The following LOC400499 variants were observed in gnomAD, a reference collection of about 807,000 sequenced individuals.
At chr16:11,451,574 ACAAACAAAAAAC>A in the LOC400499 span, among the ~76,000 whole-genome samples, 2 of 148,234 alleles carry the variant, frequency 1.3e-5, no homozygotes, top group South Asian at 2.2e-4. Flanking sequence ...AAACAAACAA[ACAAACAAAAAAC>A]CAAACAAAAA....
At chr16:11,443,276 A>G in the LOC400499 span, 1 of 324,866 alleles carries the variant, frequency 3.1e-6, no homozygotes, top group Non-Finnish European at 5.8e-6. Context: ...ATGAGCCGAC[A>G]TTGCGCAGCT....
chr16:11,471,343 T>G, the LOC400499 span: 1 of 227,702 alleles, frequency 4.4e-6, no homozygotes. Context: ...CAGAACTGAT[T>G]AAAAGGGAAG....
At chr16:11,465,392 T>C in the LOC400499 span, 6 of 152,260 alleles carry the variant, frequency 3.9e-5, no homozygotes, top group East Asian at 1.2e-3. Flanking sequence ...CTCCCAACAT[T>C]TGTATACTTT....
chr16:11,405,318 C>T, the LOC400499 span, among the ~76,000 whole-genome samples: 5 of 152,216 alleles, frequency 3.3e-5, no homozygotes, highest in Admixed American at 6.5e-5. Flanking sequence ...AGGTATCATG[C>T]TCCCAAGCCA....
At chr16:11,476,542 C>T in the LOC400499 span, among the ~76,000 whole-genome samples, 1 of 151,964 alleles carries the variant, frequency 6.6e-6, no homozygotes, top group African/African-American at 2.4e-5. Flanking sequence ...GCAGCTCATA[C>T]ATTCTCATAT....
the LOC400499 span, among the ~76,000 whole-genome samples, chr16:11,413,436 G>C: frequency 1.3e-5 from 2 of 152,156 alleles, no homozygotes; most frequent in Admixed American, 1.3e-4. Context: ...GGGTGTGAAA[G>C]AAGCATTGGC....
the LOC400499 span, chr16:11,392,498 C>T: frequency 5.0e-6 from 2 of 399,018 alleles, no homozygotes; most frequent in East Asian, 3.6e-5. Flanking sequence ...CTCCTCTCTG[C>T]CCCCTGGAGC....
the LOC400499 span, chr16:11,484,894 T>A: frequency 2.3e-5 from 9 of 399,250 alleles, no homozygotes; most frequent in East Asian, 3.2e-4. Flanking sequence ...GCTGTAGGTA[T>A]CTCATCCTTC....
chr16:11,430,172 T>A, the LOC400499 span, among the ~76,000 whole-genome samples: 3 of 152,120 alleles, frequency 2.0e-5, no homozygotes, highest in African/African-American at 7.2e-5. Flanking sequence ...TTTCACAACA[T>A]GACTGCCCGG....
the LOC400499 span, chr16:11,391,645 C>A: frequency 1.6e-6 from 2 of 1,232,006 alleles, no homozygotes; most frequent in Non-Finnish European, 2.0e-6. Context: ...CAGGATTGAG[C>A]CCTCCCCCTC....
chr16:11,390,297 C>T, the LOC400499 span: 1 of 1,232,912 alleles, frequency 8.1e-7, no homozygotes, highest in Non-Finnish European at 1.0e-6. Flanking sequence ...GGGCTCCTTT[C>T]ATGGCCCCCA....
the LOC400499 span, chr16:11,387,101 C>T: frequency 8.1e-7 from 1 of 1,232,286 alleles, no homozygotes; most frequent in Non-Finnish European, 1.0e-6. Flanking sequence ...CAGCCCGGGG[C>T]AGGACTCACA....
the LOC400499 span, chr16:11,502,277 A>C: frequency 7.6e-6 from 3 of 397,276 alleles, no homozygotes; most frequent in Non-Finnish European, 8.9e-6. Context: ...AACCGTGGGG[A>C]AAGTGGGAAG....
At chr16:11,476,987 G>A in the LOC400499 span, 2 of 399,642 alleles carry the variant, frequency 5.0e-6, no homozygotes, top group Middle Eastern at 6.2e-4. Context: ...CGAGGGCCCT[G>A]GGGCCACAGA....
chr16:11,446,791 G>A, the LOC400499 span: 1 of 1,536,130 alleles, frequency 6.5e-7, no homozygotes, highest in South Asian at 1.2e-5. Flanking sequence ...GGTCTGCAGG[G>A]TTTCCTCTCG....
the LOC400499 span, chr16:11,450,896 G>A: frequency 7.6e-7 from 1 of 1,322,624 alleles, no homozygotes; most frequent in Non-Finnish European, 1.0e-6. Context: ...GAGGTCCCGA[G>A]AGTCTCATCA....
chr16:11,473,305 A>T, the LOC400499 span: 2 of 151,162 alleles, frequency 1.3e-5, no homozygotes, highest in African/African-American at 4.9e-5. Flanking sequence ...CAAAATTTGT[A>T]TATCTTCATT....
chr16:11,483,323 A>G, the LOC400499 span, among the ~76,000 whole-genome samples: 2 of 152,192 alleles, frequency 1.3e-5, no homozygotes, highest in South Asian at 2.1e-4. Flanking sequence ...AAGAGAAACA[A>G]AAGCATATGC....
chr16:11,486,268 TGG>T, the LOC400499 span, among the ~76,000 whole-genome samples: 1 of 77,556 alleles, frequency 1.3e-5, no homozygotes, highest in Non-Finnish European at 2.4e-5. Flanking sequence ...GATGGATGGA[TGG>T]AGGGATGGAT....
Sources: allele counts gnomAD v4.1 joint callset (sites outside exome capture counted in the v4.1 genomes callset), GRCh38; gene constraint gnomAD v4.1.1; transcripts MANE v1.5.